The following TNR variants were observed in gnomAD, a reference collection of about 807,000 sequenced individuals.
The protein encoded by TNR is tenascin R.
A neutral mutation model predicts 150.4 loss-of-function variants in TNR; 45 were observed. The observed-to-expected ratio is 0.30, with a 90% CI of 0.24 to 0.38. The LOEUF (loss-of-function observed/expected upper bound fraction) is 0.38. TNR is among the 10% of genes least tolerant of loss of function. TNR has a pLI of 1.00. For missense variants in TNR, 1,544 were observed against 1,759.1 expected, an observed-to-expected ratio of 0.88 and a Z score of 2.19; for synonymous variants, 687 against 678.4, an observed-to-expected ratio of 1.01 and a Z score of -0.20.
chr1:175,516,373 A>C (rs186536280), intron 2 of TNR, among the ~76,000 whole-genome samples: 62 of 152,336 alleles, frequency 4.1e-4, no homozygotes, highest in African/African-American at 1.4e-3. Flanking sequence ...GCAGCTAACA[A>C]ATGACAGCGT....
At chr1:175,534,767 G>A (rs1017919775) in intron 1 of TNR, among the ~76,000 whole-genome samples, 1 of 152,132 alleles carries the variant, frequency 6.6e-6, no homozygotes, top group Non-Finnish European at 1.5e-5. Context: ...ATATGGTTTG[G>A]CTCTGTGTCC....
At chr1:175,347,497 G>A (rs574187530) in intron 18 of TNR, among the ~76,000 whole-genome samples, 23 of 151,824 alleles carry the variant, frequency 1.5e-4, no homozygotes, top group Admixed American at 5.3e-4. Context: ...GTGTCATCTC[G>A]GCTCACAGCA....
chr1:175,632,784 G>C (rs1233077477), intron 1 of TNR, among the ~76,000 whole-genome samples: 2 of 152,098 alleles, frequency 1.3e-5, no homozygotes, highest in Non-Finnish European at 2.9e-5. Context: ...ACCTGCCTAG[G>C]ACCATACCGA....
chr1:175,578,472 C>A (rs1662210229), intron 1 of TNR, among the ~76,000 whole-genome samples: 1 of 152,110 alleles, frequency 6.6e-6, no homozygotes, highest in African/African-American at 2.4e-5. Flanking sequence ...GCAGAAAATA[C>A]AAACAGTGCA....
intron 2 of TNR, among the ~76,000 whole-genome samples, chr1:175,444,572 T>C (rs1571448721): frequency 6.6e-6 from 1 of 152,304 alleles, no homozygotes; most frequent in Non-Finnish European, 1.5e-5. Context: ...AATTAACAAA[T>C]ACCATGGTTT....
chr1:175,520,120 G>A (rs996943036), intron 2 of TNR, among the ~76,000 whole-genome samples: 6 of 152,188 alleles, frequency 3.9e-5, no homozygotes, highest in African/African-American at 1.4e-4. Context: ...AAAGTGCTTA[G>A]CATATAGAAA....
intron 1 of TNR, among the ~76,000 whole-genome samples, chr1:175,541,538 T>G (rs1488887990): frequency 5.9e-5 from 9 of 152,258 alleles, no homozygotes; most frequent in African/African-American, 2.2e-4. Flanking sequence ...TAACCACAGC[T>G]GAGAATTAAA....
intron 18 of TNR, among the ~76,000 whole-genome samples, chr1:175,352,808 G>A (rs921426418): frequency 6.6e-6 from 1 of 152,190 alleles, no homozygotes; most frequent in African/African-American, 2.4e-5. Flanking sequence ...AAGAGGACTC[G>A]TTCACAATCT....
At chr1:175,501,500 C>G (rs1467767553) in intron 2 of TNR, among the ~76,000 whole-genome samples, 2 of 152,176 alleles carry the variant, frequency 1.3e-5, no homozygotes, top group Non-Finnish European at 2.9e-5. Context: ...TTGATTGCAG[C>G]CTTGTGAGGC....
Position 175,386,231 on chromosome 1 carries a change from G to A in TNR, c.1578C>T (p.Pro526=), listed in dbSNP as rs750913646. Residue 526 remains proline, a synonymous_variant, in exon 8 of 23, where the codon CCC becomes CCT. Transcript: ENST00000367674. ...GAATGAAATCGACTTTGGCTCGAGGGGGAATCCACTCCACAAAAGCCACAG... is the reference window on the plus strand; with the variant it reads ...GAATGAAATCGACTTTGGCTCGAGGAGGAATCCACTCCACAAAAGCCACAG... ...SDTVAFVEWI[P]PRAKVDFILL... 9 of 1,607,330 alleles carry A rather than the reference G, an allele frequency of 5.6e-6. No individual in the cohort carries two copies. Among genetic ancestry groups the A allele is most frequent in the Non-Finnish European group, 7.7e-6 (9 of 1,174,564 alleles).
intron 1 of TNR, among the ~76,000 whole-genome samples, chr1:175,611,557 C>T (rs189590436): frequency 4.6e-5 from 7 of 152,262 alleles, no homozygotes; most frequent in African/African-American, 1.7e-4. Context: ...TGTTCTGCAA[C>T]TCCTGGCCTC....
intron 1 of TNR, among the ~76,000 whole-genome samples, chr1:175,564,124 C>G (rs1476771678): frequency 6.6e-6 from 1 of 152,240 alleles, no homozygotes; most frequent in East Asian, 1.9e-4. Context: ...TAAGCATCAA[C>G]AAGCCAAATT....
At chr1:175,344,360 G>T (rs1196233184) in intron 18 of TNR, among the ~76,000 whole-genome samples, 12 of 152,136 alleles carry the variant, frequency 7.9e-5, no homozygotes, top group Non-Finnish European at 1.5e-5. Flanking sequence ...TTAACTTTAG[G>T]AAGTTGACAC....
At chr1:175,699,957 G>T (rs1303062577) in intron 1 of TNR, among the ~76,000 whole-genome samples, 3 of 151,928 alleles carry the variant, frequency 2.0e-5, no homozygotes, top group East Asian at 3.9e-4. Flanking sequence ...GTGTTAGTCT[G>T]GGTCCTACAA....
intron 1 of TNR, among the ~76,000 whole-genome samples, chr1:175,718,140 C>T (rs532310666): frequency 1.1e-4 from 17 of 152,234 alleles, no homozygotes; most frequent in Admixed American, 2.6e-4. Flanking sequence ...TGGGGGAATT[C>T]TGGAGCAGTG....
At chr1:175,604,610 T>G (rs1663354383) in intron 1 of TNR, among the ~76,000 whole-genome samples, 1 of 152,154 alleles carries the variant, frequency 6.6e-6, no homozygotes, top group Non-Finnish European at 1.5e-5. Context: ...GGAGCTCCAG[T>G]TTTTTGAGAA....
At chr1:175,633,429 G>T (rs991016939) in intron 1 of TNR, among the ~76,000 whole-genome samples, 1 of 152,114 alleles carries the variant, frequency 6.6e-6, no homozygotes, top group African/African-American at 2.4e-5. Context: ...GGAATGGTGG[G>T]GAAGAAGGAA....
chr1:175,554,697 TC>T (rs201592580), intron 1 of TNR, among the ~76,000 whole-genome samples: 1,773 of 152,298 alleles, frequency 0.012, 39 homozygotes, highest in African/African-American at 0.039. Flanking sequence ...CTCCATGATT[TC>T]TCCAGCCCCC....
chr1:175,543,982 G>A (rs1660594333), intron 1 of TNR, among the ~76,000 whole-genome samples: 1 of 152,154 alleles, frequency 6.6e-6, no homozygotes, highest in African/African-American at 2.4e-5. Context: ...ACCTCATGGG[G>A]CATTTAGCTA....
Sources: gnomAD v4.1 joint callset for allele counts (sites outside exome capture counted in the v4.1 genomes callset) on GRCh38, gnomAD v4.1.1 for gene constraint, MANE v1.5 for transcripts, NCBI Gene and HGNC (gene_info 2026-07-23, HGNC 2026-07-21) for gene names.